NFKB2: variants seen among roughly 807,000 people sequenced by gnomAD.
NFKB2 encodes nuclear factor NF-kappa-B p100 subunit.
A neutral mutation model predicts 109.3 loss-of-function variants in NFKB2; 21 were observed. The ratio of observed to expected loss-of-function variants is 0.19; its 90% CI spans 0.14 to 0.28. The LOEUF is 0.28. Among genes scored for constraint, NFKB2 ranks in the 10% least tolerant of loss-of-function variants. The probability of loss-of-function intolerance (pLI) is 1.00; values close to 1 mark genes in which losing one functional copy is unlikely to be tolerated. For synonymous variants in NFKB2, 478 were observed against 489.9 expected (o/e 0.98, Z 0.32); for missense variants, 806 against 1,185.3 (o/e 0.68, Z 4.70).
In NFKB2 at chr10:102,396,619, A is replaced by C. The variant is rs867978670; in HGVS notation, c.145-106A>C. 4 of 1,554,288 alleles carry C rather than the reference A, an allele frequency of 2.6e-6. No individual in the cohort carries two copies. The African/African-American group carries it at 4.1e-5, about 16-fold the overall frequency. On this transcript the variant is annotated intron_variant, in intron 4 of 22. Transcript: ENST00000661543. The surrounding 1 kb of genome is among the most constrained non-coding windows in gnomAD (Gnocchi z 5.9). Reference sequence around the variant, plus strand: ...GGGGATTGGATGGTCACTGCTGCTGATCAGAGTGCTGTAGTTTGGTTCAGG... The same window carrying C: ...GGGGATTGGATGGTCACTGCTGCTGCTCAGAGTGCTGTAGTTTGGTTCAGG...
In NFKB2 at chr10:102,399,789, T is replaced by C; in HGVS notation, c.1469+71T>C. Reference sequence around the variant, plus strand: ...GAAAGGGACCGGCACGGAGGCGGGCTCTGCAGTTTTCGGACACGCCAGGCT... The same window carrying C: ...GAAAGGGACCGGCACGGAGGCGGGCCCTGCAGTTTTCGGACACGCCAGGCT... On this transcript the variant is annotated intron_variant, in intron 14 of 22. Coordinates refer to ENST00000661543, the MANE Select transcript of NFKB2 (RefSeq NM_001322934.2). 4 of 1,433,126 alleles carry C rather than the reference T, an allele frequency of 2.8e-6. No individual in the cohort carries two copies. In the South Asian group the frequency reaches 4.4e-5, roughly 16 times the overall value. 88.8% of individuals were successfully genotyped at this position (1,433,126 alleles called of 1,614,324 possible).
In NFKB2 at chr10:102,396,114, T is replaced by A; in HGVS notation, c.21+134T>A. Reference sequence around the variant, plus strand: ...CAGCCTGCCAGTCTGTCCATCTGTCTGCAACTCTGCCTCCAAAAGGAGCTT... The same window carrying A: ...CAGCCTGCCAGTCTGTCCATCTGTCAGCAACTCTGCCTCCAAAAGGAGCTT... On this transcript the variant is annotated intron_variant, in intron 2 of 22. Coordinates refer to ENST00000661543, the MANE Select transcript of NFKB2 (RefSeq NM_001322934.2). This position sits in a 1 kb window ranked among gnomAD's most constrained non-coding sequence, Gnocchi z 5.9. 1 of 1,462,366 alleles carries A rather than the reference T, an allele frequency of 6.8e-7. No individual in the cohort carries two copies. Among genetic ancestry groups the A allele is most frequent in the Non-Finnish European group, 9.5e-7 (1 of 1,051,706 alleles). The allele number at this position is 1,462,366 out of a possible 1,614,324, so 90.6% of individuals were successfully genotyped here.
chr10:102,398,271 T>C lies in NFKB2; in HGVS notation c.826T>C (p.Phe276Leu), dbSNP rs1199472420. The change falls in exon 10 of 23, where the codon TTC (phenylalanine) becomes CTC (leucine). Residue 276 changes from phenylalanine (F) to leucine (L), a missense_variant. Phe to Leu is a conservative substitution (Grantham distance 22, BLOSUM62 0). Coordinates refer to ENST00000661543, the MANE Select transcript of NFKB2 (RefSeq NM_001322934.2). The surrounding 1 kb of genome is among the most constrained non-coding windows in gnomAD (Gnocchi z 6.6). ...DENGWQAFGD[F>L]SPTDVHKQYA... ...GAATGGATGGCAGGCCTTTGGGGAC[T>C]TCTCTCCCACAGATGTGCATAAACA... is the stretch of plus-strand genomic sequence containing the variant. The C allele has an allele frequency of 6.2e-7, 1 of 1,614,142 alleles. No individual in the cohort carries two copies. Among genetic ancestry groups the C allele is most frequent in the Non-Finnish European group, 8.5e-7 (1 of 1,180,006 alleles).
chr10:102,396,283 T>G lies in NFKB2; in HGVS notation c.52T>G (p.Phe18Val). ...GGATGGTATTATTGAATATGATGATTTCAAATTGAACTCCTCCATTGTGGA... is the reference window on the plus strand; with the variant it reads ...GGATGGTATTATTGAATATGATGATGTCAAATTGAACTCCTCCATTGTGGA... ...GLDGIIEYDD[F>V]KLNSSIVEPK... Residue 18 changes from phenylalanine (F) to valine (V), a missense_variant, in exon 3 of 23, where the codon TTC (phenylalanine) becomes GTC (valine). Physicochemically the swap from Phe to Val is conservative, Grantham distance 50 (BLOSUM62 -1). This residue lies in a region of NFKB2 where 39 missense variants were observed against 35.6 expected (regional missense o/e 1.09). Coordinates refer to ENST00000661543, the MANE Select transcript of NFKB2 (RefSeq NM_001322934.2). This position sits in a 1 kb window ranked among gnomAD's most constrained non-coding sequence, Gnocchi z 5.9. 6.2e-7 allele frequency: 1 copy of G among 1,612,860 alleles called. No individual in the cohort carries two copies. Among genetic ancestry groups the G allele is most frequent in the Admixed American group, 1.7e-5 (1 of 59,980 alleles).
chr10:102,395,472 C>T (rs2061087845), upstream of NFKB2, among the ~76,000 whole-genome samples: 1 of 152,206 alleles, frequency 6.6e-6, no homozygotes, highest in Non-Finnish European at 1.5e-5. Context: ...CTCCTCCCGG[C>T]CGTGAAAGAC....
Position 102,397,572 on chromosome 10 carries a change from AG to A in NFKB2, c.550del (p.Val184Ter). 6.2e-7 allele frequency: 1 copy of A among 1,613,982 alleles called. No homozygotes were observed. The highest frequency in any genetic ancestry group is 8.5e-7 in the Non-Finnish European group (1 of 1,179,878). Reference sequence around the variant, plus strand: ...GAGCAAGAGGCCAAAGAACTGAAGAAGGTGATGGATCTGAGTATAGTGCGGC... The same window carrying A: ...GAGCAAGAGGCCAAAGAACTGAAGAAGTGATGGATCTGAGTATAGTGCGGC... ...ELEQEAKELK[K>X]VMDLSIVRLR... On this transcript the variant is annotated frameshift_variant, in exon 8 of 23. Transcript: ENST00000661543. LOFTEE classifies it high-confidence loss of function. The surrounding 1 kb of genome is among the most constrained non-coding windows in gnomAD (Gnocchi z 4.7).
chr10:102,395,596 G>A, upstream of NFKB2: 1 of 426,816 alleles, frequency 2.3e-6, no homozygotes, highest in Non-Finnish European at 4.3e-6. Context: ...ACTGTCGAGG[G>A]CCTCCCGCCC....
Position 102,397,521 on chromosome 10 carries a change from G to T in NFKB2, c.503-6G>T. The T allele has an allele frequency of 1.2e-6, 2 of 1,612,336 alleles. No individual in the cohort carries two copies. Among genetic ancestry groups the T allele is most frequent in the Non-Finnish European group, 1.7e-6 (2 of 1,178,884 alleles). On this transcript the variant is annotated splice_polypyrimidine_tract_variant and splice_region_variant and intron_variant, in intron 7 of 22. Coordinates refer to ENST00000661543, the MANE Select transcript of NFKB2 (RefSeq NM_001322934.2). The surrounding 1 kb of genome is among the most constrained non-coding windows in gnomAD (Gnocchi z 4.7). ...CCCAGGGGTCACACATGTACCTACT[G>T]CCCAGAGGCCGAGCAGCGGGAGCTG...
At position 102,400,605 on chromosome 10, in the gene NFKB2, G is replaced by A; in HGVS notation, c.1799-50G>A. On this transcript the variant is annotated intron_variant, in intron 16 of 22. Coordinates refer to ENST00000661543, the MANE Select transcript of NFKB2 (RefSeq NM_001322934.2). This position sits in a 1 kb window ranked among gnomAD's most constrained non-coding sequence, Gnocchi z 6.3. ...AGATTGAATGGTCAGGGCTGGTCCA[G>A]GGGCTGCCTTAAGGGTCACAGCTGC... 6.2e-7 allele frequency: 1 copy of A among 1,607,128 alleles called. No individual in the cohort carries two copies. Among genetic ancestry groups the A allele is most frequent in the East Asian group, 2.2e-5 (1 of 44,704 alleles).
Position 102,400,434 on chromosome 10 carries a change from C to T in NFKB2, c.1741C>T (p.Leu581=). The T allele has an allele frequency of 2.5e-6, 4 of 1,612,742 alleles. No homozygotes were observed. Among genetic ancestry groups the T allele is most frequent in the Non-Finnish European group, 2.5e-6 (3 of 1,179,948 alleles). The change falls in exon 16 of 23, where the codon CTG becomes TTG. Residue 581 remains leucine (L), a synonymous_variant. Coordinates refer to ENST00000661543, the MANE Select transcript of NFKB2 (RefSeq NM_001322934.2). This position sits in a 1 kb window ranked among gnomAD's most constrained non-coding sequence, Gnocchi z 6.3. Reference sequence around the variant, plus strand: ...TGGTGCTCCTGAGCTGCTGCGTGCACTGCTTCAGAGTGGAGCTCCTGCTGT... The same window carrying T: ...TGGTGCTCCTGAGCTGCTGCGTGCATTGCTTCAGAGTGGAGCTCCTGCTGT... ...GAGAPELLRA[L]LQSGAPAVPQ...
Position 102,400,663 on chromosome 10 carries a change from C to T in NFKB2, c.1807C>T (p.Pro603Ser). 2 of 1,613,946 alleles carry T rather than the reference C, an allele frequency of 1.2e-6. No homozygotes were observed. The highest frequency in any genetic ancestry group is 1.7e-6 in the Non-Finnish European group (2 of 1,179,926). Residue 603 changes from proline to serine, a missense_variant, in exon 17 of 23, where the codon CCA (proline) becomes TCA (serine). By Grantham distance (74) the Pro-to-Ser change is moderately conservative. Coordinates refer to ENST00000661543, the MANE Select transcript of NFKB2 (RefSeq NM_001322934.2). The surrounding 1 kb of genome is among the most constrained non-coding windows in gnomAD (Gnocchi z 6.3). ...LHMPDFEGLYPVHLAVRARSP... is the reference protein window; with the variant it reads ...LHMPDFEGLYSVHLAVRARSP... ...GCATCCTGCATCCTTAGGACTGTAT[C>T]CAGTACACCTGGCAGTCCGAGCCCG...
Position 102,400,280 on chromosome 10 carries a change from G to A in NFKB2, c.1587G>A (p.Thr529=), listed in dbSNP as rs770427751. 17 of 1,614,010 alleles carry A rather than the reference G, an allele frequency of 1.1e-5. No individual in the cohort carries two copies. The highest frequency in any genetic ancestry group is 1.4e-5 in the Non-Finnish European group (17 of 1,180,026). ...VVNLTNHLHQ[T]PLHLAVITGQ... ...GCTCACCCTGCTTTCATCCCCAGAC[G>A]CCCCTGCACCTGGCGGTGATCACGG... Residue 529 remains threonine (T), a splice_region_variant and synonymous_variant, in exon 16 of 23, where the codon ACG becomes ACA. Transcript: ENST00000661543. This position sits in a 1 kb window ranked among gnomAD's most constrained non-coding sequence, Gnocchi z 6.3.
Position 102,398,045 on chromosome 10 carries a change from T to G in NFKB2, c.726T>G (p.Gly242=), listed in dbSNP as rs1377774228. Residue 242 remains glycine (G), a synonymous_variant, in exon 9 of 23, where the codon GGT becomes GGG. Coordinates refer to ENST00000661543, the MANE Select transcript of NFKB2 (RefSeq NM_001322934.2). This position sits in a 1 kb window ranked among gnomAD's most constrained non-coding sequence, Gnocchi z 6.6. ...RMDKTAGSVR[G]GDEVYLLCDK... ...ACAAGACAGCAGGCTCTGTGCGGGG[T>G]GGAGATGAAGTTTATCTGCTTTGTG... 2 of 1,613,632 alleles carry G rather than the reference T, an allele frequency of 1.2e-6. No homozygotes were observed. The highest frequency in any genetic ancestry group is 2.2e-5 in the East Asian group (1 of 44,876).
Position 102,400,045 on chromosome 10 carries a change from G to A in NFKB2, c.1470-35G>A, listed in dbSNP as rs377252257. 2 of 1,602,392 alleles carry A rather than the reference G, an allele frequency of 1.2e-6. No individual in the cohort carries two copies. The highest frequency in any genetic ancestry group is 1.7e-6 in the Non-Finnish European group (2 of 1,170,442). ...GCCTTGAAAGCGAAGGATGCTCTGA[G>A]TGGCTGGGCCAGACTCTCGCTCCCC... On this transcript the variant is annotated intron_variant, in intron 14 of 22. Transcript: ENST00000661543. The surrounding 1 kb of genome is among the most constrained non-coding windows in gnomAD (Gnocchi z 6.3).
Position 102,401,961 on chromosome 10 carries a change from G to A in NFKB2, c.2466+44G>A, listed in dbSNP as rs367924721. On this transcript the variant is annotated intron_variant, in intron 21 of 22. Transcript: ENST00000661543. This position sits in a 1 kb window ranked among gnomAD's most constrained non-coding sequence, Gnocchi z 4.2. ...TGCCCCCTCCCCAGCCTCCTTTCCCGATCTGAGTCCAGGTGCCTCCTTGGC... is the reference window on the plus strand; with the variant it reads ...TGCCCCCTCCCCAGCCTCCTTTCCCAATCTGAGTCCAGGTGCCTCCTTGGC... 22 of 1,595,414 alleles carry A rather than the reference G, an allele frequency of 1.4e-5. No individual in the cohort carries two copies. The highest frequency in any genetic ancestry group is 5.2e-5 in the Admixed American group (3 of 58,184).
At position 102,401,903 on chromosome 10, in the gene NFKB2, C is replaced by T. The variant is rs762900663; in HGVS notation, c.2452C>T (p.Leu818=). 1 of 1,612,340 alleles carries T rather than the reference C, an allele frequency of 6.2e-7. No homozygotes were observed. The highest frequency in any genetic ancestry group is 8.5e-7 in the Non-Finnish European group (1 of 1,179,174). ...GACAACCTCACCCAGTGGCAGCCTCCTGCGCAGCTACGAGGTGGGTTGGCC... is the reference window on the plus strand; with the variant it reads ...GACAACCTCACCCAGTGGCAGCCTCTTGCGCAGCTACGAGGTGGGTTGGCC... ...RQTTSPSGSL[L]RSYELAGGDL... is the part of the protein sequence containing the mutation. Residue 818 remains leucine (L), a synonymous_variant, in exon 21 of 23, where the codon CTG becomes TTG. Transcript: ENST00000661543. This position sits in a 1 kb window ranked among gnomAD's most constrained non-coding sequence, Gnocchi z 4.2.
In NFKB2 at chr10:102,396,163, G is replaced by A. The variant is rs1281051757; in HGVS notation, c.22-90G>A. 1 of 1,481,042 alleles carries A rather than the reference G, an allele frequency of 6.8e-7. No individual in the cohort carries two copies. Among genetic ancestry groups the A allele is most frequent in the East Asian group, 2.3e-5 (1 of 43,860 alleles). 91.7% of individuals were successfully genotyped at this position (1,481,042 alleles called of 1,614,324 possible). A position where few individuals can be genotyped will look rare whatever the true frequency, so the allele number is the denominator to read the frequency against. On this transcript the variant is annotated intron_variant, in intron 2 of 22. Coordinates refer to ENST00000661543, the MANE Select transcript of NFKB2 (RefSeq NM_001322934.2). The surrounding 1 kb of genome is among the most constrained non-coding windows in gnomAD (Gnocchi z 5.9). Reference sequence around the variant, plus strand: ...TTTCTCTTGGGTCTGAGGAGGAGGGGGGAGTGACCACTGAAGACTTGGAGA... The same window carrying A: ...TTTCTCTTGGGTCTGAGGAGGAGGGAGGAGTGACCACTGAAGACTTGGAGA...
In NFKB2 at chr10:102,401,387, A is replaced by G; in HGVS notation, c.2223+56A>G. On this transcript the variant is annotated intron_variant, in intron 19 of 22. Coordinates refer to ENST00000661543, the MANE Select transcript of NFKB2 (RefSeq NM_001322934.2). The surrounding 1 kb of genome is among the most constrained non-coding windows in gnomAD (Gnocchi z 4.2). ...GAGTGACGGGGTCCAGAGTATCTGG[A>G]CTTAAAGACACAGGCTTAAGGACGA... is the stretch of plus-strand genomic sequence containing the variant. 1.9e-6 allele frequency: 3 copies of G among 1,613,184 alleles called. No individual in the cohort carries two copies. Among genetic ancestry groups the G allele is most frequent in the African/African-American group, 1.3e-5 (1 of 75,000 alleles).
In NFKB2 at chr10:102,401,857, C is replaced by T; in HGVS notation, c.2406C>T (p.Ser802=). The stretch of plus-strand genomic sequence containing the variant: ...TGGCAGAGCGTCTGGGGCTGCGCAG[C>T]CTGGTAGACACGTACCGACAGACAA... ...AELAERLGLR[S]LVDTYRQTTS... is the part of the protein sequence containing the mutation. The change falls in exon 21 of 23, where the codon AGC becomes AGT. Residue 802 remains serine, a synonymous_variant. Coordinates refer to ENST00000661543, the MANE Select transcript of NFKB2 (RefSeq NM_001322934.2). This position sits in a 1 kb window ranked among gnomAD's most constrained non-coding sequence, Gnocchi z 4.2. 7 of 1,613,932 alleles carry T rather than the reference C, an allele frequency of 4.3e-6. No homozygotes were observed. The highest frequency in any genetic ancestry group is 5.1e-6 in the Non-Finnish European group (6 of 1,179,956).
Sources: allele counts gnomAD v4.1 joint callset (sites outside exome capture counted in the v4.1 genomes callset), GRCh38; gene constraint gnomAD v4.1.1; regional missense constraint gnomAD v4.1.1; non-coding constraint Gnocchi (gnomAD v3.1); transcripts MANE v1.5; gene names NCBI Gene and HGNC (gene_info 2026-07-23, HGNC 2026-07-21).